ITPR1: variants seen among roughly 807,000 people sequenced by gnomAD.
ITPR1 encodes the protein inositol 1,4,5-trisphosphate-gated calcium channel ITPR1.
ITPR1 carries 96 observed loss-of-function variants against 318.4 expected under a neutral mutation model. That is an observed-to-expected ratio of 0.30 (90% CI 0.26 to 0.36). ITPR1 has a LOEUF of 0.36. Among genes scored for constraint, ITPR1 ranks in the 10% least tolerant of loss-of-function variants. ITPR1 has a pLI of 1.00. For synonymous variants in ITPR1, 1,312 were observed against 1,289.9 expected, an observed-to-expected ratio of 1.02 and a Z score of -0.37; for missense variants, 2,440 against 3,460.2, an observed-to-expected ratio of 0.71 and a Z score of 7.40.
At chr3:4,563,089 G>A (rs1447486874) in intron 4 of ITPR1, among the ~76,000 whole-genome samples, 3 of 152,140 alleles carry the variant, frequency 2.0e-5, no homozygotes, top group Non-Finnish European at 4.4e-5. Context: ...CTAGCATCAG[G>A]AACACCAAGG....
chr3:4,764,749 C>T (rs112103922), intron 44 of ITPR1, among the ~76,000 whole-genome samples: 2 of 152,198 alleles, frequency 1.3e-5, no homozygotes, highest in African/African-American at 4.8e-5. Flanking sequence ...TGTTTACCAG[C>T]AGCCTCCTGG....
intron 2 of ITPR1, among the ~76,000 whole-genome samples, chr3:4,494,770 A>G (rs544714100): frequency 2.0e-5 from 3 of 152,318 alleles, no homozygotes; most frequent in South Asian, 4.1e-4. Context: ...AAATGGAGCA[A>G]TAAAACGGCG....
chr3:4,753,191 T>C (rs536106390), intron 44 of ITPR1, among the ~76,000 whole-genome samples: 1 of 152,132 alleles, frequency 6.6e-6, no homozygotes, highest in East Asian at 1.9e-4. Flanking sequence ...TGGTGGTCGG[T>C]CAGGGGCAGA....
At chr3:4,585,069 C>G (rs537085265) in intron 4 of ITPR1, among the ~76,000 whole-genome samples, 2 of 152,214 alleles carry the variant, frequency 1.3e-5, no homozygotes, top group South Asian at 4.1e-4. Flanking sequence ...AGGGTCCTAA[C>G]TGTGTGCGGC....
chr3:4,669,036 T>C (rs2094014635), intron 18 of ITPR1, among the ~76,000 whole-genome samples: 1 of 152,196 alleles, frequency 6.6e-6, no homozygotes, highest in Non-Finnish European at 1.5e-5. Flanking sequence ...ATGATTACAA[T>C]GGAGCACGGA....
intron 4 of ITPR1, among the ~76,000 whole-genome samples, chr3:4,607,381 A>C (rs1296289122): frequency 6.6e-6 from 1 of 152,172 alleles, no homozygotes; most frequent in Non-Finnish European, 1.5e-5. Flanking sequence ...GAATCACCTG[A>C]GTACTTGCTT....
At chr3:4,716,621 A>G (rs58109310) in intron 39 of ITPR1, among the ~76,000 whole-genome samples, 1 of 152,066 alleles carries the variant, frequency 6.6e-6, no homozygotes, top group Non-Finnish European at 1.5e-5. Flanking sequence ...TAACATTTCC[A>G]GCTACTAGTG....
intron 33 of ITPR1, among the ~76,000 whole-genome samples, chr3:4,696,551 T>TGAATAATGC (rs1288892351): frequency 6.3e-4 from 96 of 152,328 alleles, no homozygotes; most frequent in African/African-American, 2.2e-3. Flanking sequence ...TTGACTATTG[T>TGAATAATGC]GAATAATGCT....
chr3:4,682,906 T>C (rs533146672), intron 26 of ITPR1, among the ~76,000 whole-genome samples: 4 of 152,278 alleles, frequency 2.6e-5, no homozygotes, highest in South Asian at 2.1e-4. Flanking sequence ...TATTTAAATA[T>C]AGTCAGGCAT....
intron 61 of ITPR1, among the ~76,000 whole-genome samples, chr3:4,837,603 C>A (rs1032306999): frequency 6.6e-6 from 1 of 151,892 alleles, no homozygotes; most frequent in Non-Finnish European, 1.5e-5. Context: ...AAGCAGGATG[C>A]GGGCAGTACT....
chr3:4,714,646 T>TCA (rs2041633843), intron 39 of ITPR1, among the ~76,000 whole-genome samples: 1 of 152,212 alleles, frequency 6.6e-6, no homozygotes, highest in Non-Finnish European at 1.5e-5. Flanking sequence ...CCACCATGTG[T>TCA]GGGCTGGGTT....
intron 60 of ITPR1, chr3:4,831,194 G>A: frequency 2.8e-6 from 1 of 355,558 alleles, no homozygotes; most frequent in Non-Finnish European, 5.5e-6. Flanking sequence ...TTCCAGTCAA[G>A]GACATTTCAA....
At chr3:4,586,263 C>G (rs967065262) in intron 4 of ITPR1, among the ~76,000 whole-genome samples, 78 of 152,070 alleles carry the variant, frequency 5.1e-4, no homozygotes, top group African/African-American at 1.9e-3. Flanking sequence ...TTTTGTTGCA[C>G]CTGTTCTGTT....
At chr3:4,494,250 C>T (rs148143692) in intron 1 of ITPR1, among the ~76,000 whole-genome samples, 181 bp from the exon 2 acceptor site, 1 of 152,250 alleles carries the variant, frequency 6.6e-6, no homozygotes, top group Non-Finnish European at 1.5e-5. Flanking sequence ...AATAAGTAAG[C>T]GTAGTTACCT....
chr3:4,552,932 A>G (rs907601146), intron 4 of ITPR1, among the ~76,000 whole-genome samples: 3 of 152,292 alleles, frequency 2.0e-5, no homozygotes, highest in East Asian at 3.9e-4. Context: ...ATATTTCACA[A>G]TGTGACAGTA....
chr3:4,512,891 G>A (rs1484109963), intron 2 of ITPR1, among the ~76,000 whole-genome samples: 1 of 152,140 alleles, frequency 6.6e-6, no homozygotes, highest in Admixed American at 6.5e-5. Flanking sequence ...GAGCCAGGGT[G>A]GAGTGCGGGA....
At chr3:4,586,507 C>CTTTTTT (rs34188022) in intron 4 of ITPR1, among the ~76,000 whole-genome samples, 1 of 104,804 alleles carries the variant, frequency 9.5e-6, no homozygotes, top group African/African-American at 3.3e-5. Flanking sequence ...GCCTTGAGTG[C>CTTTTTT]TTTTTTTTTT....
intron 4 of ITPR1, among the ~76,000 whole-genome samples, chr3:4,579,934 G>A (rs2089125664): frequency 6.6e-6 from 1 of 152,182 alleles, no homozygotes; most frequent in African/African-American, 2.4e-5. Flanking sequence ...TTATTAGCCA[G>A]GTGCGGTGGC....
At chr3:4,727,589 T>G (rs922727960) in intron 42 of ITPR1, among the ~76,000 whole-genome samples, 3 of 152,200 alleles carry the variant, frequency 2.0e-5, no homozygotes, top group African/African-American at 7.2e-5. Flanking sequence ...TGGGGTGGTT[T>G]TTTAGAGACA....
Sources: gnomAD v4.1 joint callset for allele counts (sites outside exome capture counted in the v4.1 genomes callset) on GRCh38, gnomAD v4.1.1 for gene constraint, MANE v1.5 for transcripts, NCBI Gene and HGNC (gene_info 2026-07-23, HGNC 2026-07-21) for gene names.